The following RAB3IP variants were observed in gnomAD, a reference collection of about 807,000 sequenced individuals.
RAB3IP encodes the protein rab-3A-interacting protein.
RAB3IP carries 36 observed loss-of-function variants against 59.1 expected under a neutral mutation model. That is an observed-to-expected ratio of 0.61 (90% CI 0.47 to 0.80). RAB3IP has a LOEUF of 0.80. Ranked by LOEUF, RAB3IP falls within the 30% of genes least tolerant of loss-of-function variation. The pLI is 0.00. For synonymous variants in RAB3IP, 207 were observed against 191.2 expected (o/e 1.08, Z -0.68); for missense variants, 511 against 536.0 (o/e 0.95, Z 0.46).
intron 1 of RAB3IP, among the ~76,000 whole-genome samples, chr12:69,741,432 T>C (rs1887332839): frequency 6.6e-6 from 1 of 152,250 alleles, no homozygotes. Flanking sequence ...CTGCACCTTC[T>C]ATTAAAGAGC....
Position 69,756,394 on chromosome 12 carries a change from C to G in RAB3IP, c.252-11C>G. 3 of 1,611,672 alleles carry G rather than the reference C, an allele frequency of 1.9e-6. No homozygotes were observed. The highest frequency in any genetic ancestry group is 2.5e-6 in the Non-Finnish European group (3 of 1,179,146). ...CTGATATTTTCTGAAAAATGTCTCT[C>G]TCCTTTACAGCTTTCATGTTACAGA... On this transcript the variant is annotated splice_polypyrimidine_tract_variant and intron_variant, in intron 2 of 10. Coordinates refer to ENST00000247833, the MANE Select transcript of RAB3IP (RefSeq NM_022456.5).
chr12:69,787,211 A>G (rs984937326), intron 4 of RAB3IP, among the ~76,000 whole-genome samples: 24 of 152,306 alleles, frequency 1.6e-4, no homozygotes, highest in African/African-American at 5.1e-4. Context: ...TGTATGTAGC[A>G]AAGTTGAGTT....
intron 3 of RAB3IP, among the ~76,000 whole-genome samples, chr12:69,758,598 G>GTTTTTTCT (rs1870607687): frequency 2.6e-5 from 4 of 151,870 alleles, no homozygotes; most frequent in African/African-American, 9.7e-5. Flanking sequence ...TGCAATAATT[G>GTTTTTTCT]TTGTATGTTT....
At chr12:69,792,138 G>A (rs1876727399) in intron 4 of RAB3IP, among the ~76,000 whole-genome samples, 1 of 152,156 alleles carries the variant, frequency 6.6e-6, no homozygotes. Context: ...TAGATTGGTG[G>A]TTGTCAGGGG....
intron 1 of RAB3IP, among the ~76,000 whole-genome samples, chr12:69,747,331 T>TGTGTGTGTGTGTGTGA (rs1165639333): frequency 8.1e-5 from 7 of 85,904 alleles, no homozygotes; most frequent in African/African-American, 2.3e-4. Flanking sequence ...TGTGTGTGTG[T>TGTGTGTGTGTGTGTGA]GAGAGAGAGA....
At chr12:69,754,343 G>A (rs7297268) in intron 1 of RAB3IP, among the ~76,000 whole-genome samples, 93,187 of 132,670 alleles carry the variant, frequency 0.7, 29,053 homozygotes, top group African/African-American at 0.72. Flanking sequence ...AGATACACGG[G>A]CACACACACA....
At chr12:69,794,335 C>G (rs1016871835) in intron 4 of RAB3IP, 102 bp from the exon 5 acceptor site, 16 of 884,150 alleles carry the variant, frequency 1.8e-5, no homozygotes, top group Non-Finnish European at 2.7e-5. Flanking sequence ...TTCAGGCTAA[C>G]TTTTGGTAGT....
chr12:69,762,512 C>G (rs1871470177), intron 3 of RAB3IP, among the ~76,000 whole-genome samples: 1 of 151,952 alleles, frequency 6.6e-6, no homozygotes, highest in African/African-American at 2.4e-5. Context: ...AGTCCCAGCA[C>G]TTTGGGAGGC....
At chr12:69,753,537 CA>C (rs1275075937) in intron 1 of RAB3IP, among the ~76,000 whole-genome samples, 1 of 151,932 alleles carries the variant, frequency 6.6e-6, no homozygotes, top group Non-Finnish European at 1.5e-5. Flanking sequence ...TTAGTAGAGA[CA>C]GGGTTTCACC....
At chr12:69,754,893 T>A (rs1565875294) in intron 1 of RAB3IP, among the ~76,000 whole-genome samples, 1 of 152,342 alleles carries the variant, frequency 6.6e-6, no homozygotes, top group African/African-American at 2.4e-5. Flanking sequence ...ATATGAACAT[T>A]TAATAATTTT....
chr12:69,804,052 T>C (rs1592604014), intron 8 of RAB3IP, among the ~76,000 whole-genome samples: 1 of 152,270 alleles, frequency 6.6e-6, no homozygotes, highest in African/African-American at 2.4e-5. Flanking sequence ...TTTCTAGTTC[T>C]AGATCCCTGA....
intron 8 of RAB3IP, among the ~76,000 whole-genome samples, chr12:69,801,967 G>C (rs915606220): frequency 8.7e-4 from 124 of 142,068 alleles, no homozygotes; most frequent in African/African-American, 3.1e-3. Flanking sequence ...TGTTGCCATT[G>C]AAAGTAATGG....
intron 4 of RAB3IP, among the ~76,000 whole-genome samples, chr12:69,785,168 T>C (rs12370574): frequency 0.11 from 16,344 of 152,288 alleles, 1,208 homozygotes; most frequent in Middle Eastern, 0.17. Context: ...ATAGTCATCT[T>C]ACATGGGATG....
intron 3 of RAB3IP, among the ~76,000 whole-genome samples, chr12:69,781,074 CTTAAGAAG>C (rs1026338817): frequency 2.6e-5 from 4 of 152,112 alleles, no homozygotes; most frequent in Non-Finnish European, 5.9e-5. Context: ...CCAAGTAATA[CTTAAGAAG>C]TTAGTACACT....
intron 8 of RAB3IP, among the ~76,000 whole-genome samples, chr12:69,807,596 T>C (rs1462317886): frequency 5.1e-5 from 5 of 98,924 alleles, no homozygotes. Flanking sequence ...AGGCGCTCGC[T>C]TCCTAGATGG....
rs771740453 is a variant in RAB3IP at position 69,800,341 on chromosome 12, AT to A, written c.1017+12del. On this transcript the variant is annotated splice_donor_5th_base_variant and intron_variant, in intron 7 of 10. Coordinates refer to ENST00000247833, the MANE Select transcript of RAB3IP (RefSeq NM_022456.5). Reference sequence around the variant, plus strand: ...TTTAACATTCTCAAAAAGTGAGGTAATTTTTTTTCATTTTAGTAGGAATTCA... The same window carrying A: ...TTTAACATTCTCAAAAAGTGAGGTAATTTTTTTCATTTTAGTAGGAATTCA... The A allele has an allele frequency of 5.2e-5, 79 of 1,525,876 alleles. No individual in the cohort carries two copies. Among genetic ancestry groups the A allele is most frequent in the Middle Eastern group, 1.7e-4 (1 of 5,806 alleles). 94.5% of individuals were successfully genotyped at this position (1,525,876 alleles called of 1,614,324 possible).
chr12:69,741,263 T>C (rs541837071), intron 1 of RAB3IP, among the ~76,000 whole-genome samples: 1 of 152,352 alleles, frequency 6.6e-6, no homozygotes, highest in East Asian at 1.9e-4. Context: ...TATCAAATTT[T>C]ACAAGTCAGG....
At position 69,800,322 on chromosome 12, in the gene RAB3IP, A is replaced by G. The variant is rs1307118324; in HGVS notation, c.1002A>G (p.Thr334=). 10 of 1,577,860 alleles carry G rather than the reference A, an allele frequency of 6.3e-6. No homozygotes were observed. Among genetic ancestry groups the G allele is most frequent in the African/African-American group, 1.4e-5 (1 of 73,206 alleles). Residue 334 remains threonine (T), a synonymous_variant, in exon 7 of 11, where the codon ACA becomes ACG. Transcript: ENST00000247833. ...AGGAAGATATCTTTCCATGTTTAAC[A>G]TTCTCAAAAAGTGAGGTAATTTTTT... The part of the protein sequence containing the change: ...IYQEDIFPCL[T]FSKSELASAV...
At chr12:69,746,009 G>C (rs1293359291) in intron 1 of RAB3IP, among the ~76,000 whole-genome samples, 1 of 152,138 alleles carries the variant, frequency 6.6e-6, no homozygotes, top group Non-Finnish European at 1.5e-5. Context: ...ATGCTCTGAA[G>C]ATTAACTGGA....
Sources: gnomAD v4.1 joint callset for allele counts (sites outside exome capture counted in the v4.1 genomes callset) on GRCh38, gnomAD v4.1.1 for gene constraint, MANE v1.5 for transcripts, NCBI Gene and HGNC (gene_info 2026-07-23, HGNC 2026-07-21) for gene names.